Variants in VPS37A observed in about 807,000 individuals in gnomAD.
VPS37A encodes the protein VPS37A subunit of ESCRT-I.
In VPS37A, 30 loss-of-function variants were observed where a neutral mutation model predicts 49.8. The observed-to-expected ratio is 0.60, with a 90% CI of 0.45 to 0.82. The LOEUF (loss-of-function observed/expected upper bound fraction) is 0.82. Among genes scored for constraint, VPS37A ranks in the 40% least tolerant of loss-of-function variants. The pLI is 0.00. For missense variants in VPS37A, 593 were observed against 464.4 expected, an observed-to-expected ratio of 1.28 and a Z score of -2.55; for synonymous variants, 195 against 160.6, an observed-to-expected ratio of 1.21 and a Z score of -1.62.
chr8:17,286,496 A>G, intron 11 of VPS37A, 69 bp downstream of exon 11: 1 of 1,374,842 alleles, frequency 7.3e-7, no homozygotes, highest in Non-Finnish European at 1.0e-6. Context: ...CATGTTGTTA[A>G]CGGTGCCTGT....
intron 11 of VPS37A, among the ~76,000 whole-genome samples, chr8:17,289,266 T>G (rs962174411): frequency 5.9e-5 from 9 of 152,220 alleles, no homozygotes; most frequent in African/African-American, 1.9e-4. Flanking sequence ...GTTTTAGACA[T>G]GAAGTCTTTG....
the VPS37A span, among the ~76,000 whole-genome samples, chr8:17,308,213 C>T: frequency 6.6e-6 from 1 of 151,706 alleles, no homozygotes; most frequent in African/African-American, 2.4e-5. Context: ...GTATTTTTTC[C>T]TTATCAAACA....
At chr8:17,265,768 A>G in intron 1 of VPS37A, 139 bp from the exon 2 acceptor site, 1 of 1,540,000 alleles carries the variant, frequency 6.5e-7, no homozygotes, top group Non-Finnish European at 8.8e-7. Context: ...CCTTCCCCTC[A>G]AGATACAAGT....
At chr8:17,276,987 T>C (rs534560795) in intron 6 of VPS37A, among the ~76,000 whole-genome samples, 1 of 152,236 alleles carries the variant, frequency 6.6e-6, no homozygotes, top group East Asian at 1.9e-4. Flanking sequence ...AAGAAAATGG[T>C]TTTTTGCCAT....
chr8:17,263,119 A>T (rs562507613), intron 1 of VPS37A, among the ~76,000 whole-genome samples: 1 of 152,136 alleles, frequency 6.6e-6, no homozygotes, highest in African/African-American at 2.4e-5. Flanking sequence ...GATAATCACA[A>T]TTGAGTGAGA....
chr8:17,261,140 G>A (rs1424648097), intron 1 of VPS37A, among the ~76,000 whole-genome samples: 2 of 152,090 alleles, frequency 1.3e-5, no homozygotes, highest in Non-Finnish European at 2.9e-5. Flanking sequence ...TCTGTATTTC[G>A]TAGGTGGTCT....
downstream of VPS37A, among the ~76,000 whole-genome samples, chr8:17,304,025 A>G (rs908931819): frequency 1.1e-4 from 16 of 152,332 alleles, no homozygotes; most frequent in African/African-American, 3.4e-4. Flanking sequence ...TTTTGCTCCA[A>G]CCTTAACACG....
At chr8:17,256,987 C>G (rs188767374) in intron 1 of VPS37A, among the ~76,000 whole-genome samples, 3 of 152,132 alleles carry the variant, frequency 2.0e-5, no homozygotes, top group South Asian at 4.1e-4. Flanking sequence ...AGGTCTTACA[C>G]AAAATTGTTT....
rs557405210 is a variant in VPS37A, at chr8:17,255,991, A to G, written c.125+8622A>G. Among the ~76,000 whole-genome samples the G allele has an allele frequency of 1.6e-4, 24 of 152,292 alleles. No individual in the cohort carries two copies. In the South Asian group the frequency reaches 5.0e-3, roughly 32 times the overall value. On this transcript the variant is annotated intron_variant, in intron 1 of 11. Coordinates refer to ENST00000324849, the MANE Select transcript of VPS37A (RefSeq NM_152415.3). ...TTTGGCTGTTGTGAATAGTGCTGCA[A>G]TAAACGTGGGAGTGCAGCTATCTCT... is the stretch of plus-strand genomic sequence containing the variant.
chr8:17,327,646 A>T, the VPS37A span, among the ~76,000 whole-genome samples: 1 of 152,060 alleles, frequency 6.6e-6, no homozygotes, highest in Non-Finnish European at 1.5e-5. Flanking sequence ...CCTGGTAAAA[A>T]AAAAAACTAT....
downstream of VPS37A, chr8:17,299,497 G>T (rs1237573082): frequency 5.4e-6 from 1 of 185,466 alleles, no homozygotes; most frequent in East Asian, 1.3e-4. Flanking sequence ...GAATCATGAT[G>T]ATCACAGATG....
intron 1 of VPS37A, among the ~76,000 whole-genome samples, chr8:17,255,916 A>G (rs1046760610): frequency 6.6e-6 from 1 of 152,058 alleles, no homozygotes; most frequent in Non-Finnish European, 1.5e-5. Context: ...ATTATGCCAC[A>G]TTTTCTTTAT....
Position 17,247,097 on chromosome 8 carries a change from A to G in VPS37A, c.-148A>G. 2 of 1,024,872 alleles carry G rather than the reference A, an allele frequency of 2.0e-6. No individual in the cohort carries two copies. The highest frequency in any genetic ancestry group is 2.8e-6 in the Non-Finnish European group (2 of 713,424). 63.5% of individuals were successfully genotyped at this position (1,024,872 alleles called of 1,614,324 possible). A position where few individuals can be genotyped will look rare whatever the true frequency, so the allele number is the denominator to read the frequency against. On this transcript the variant is annotated 5_prime_UTR_variant, in exon 1 of 12. Coordinates refer to ENST00000324849, the MANE Select transcript of VPS37A (RefSeq NM_152415.3). ...CCCCCAGAACTCGGGGAGCGCAGGCAGGACAGGCTTAGAGAAGACGCGGTC... is the reference window on the plus strand; with the variant it reads ...CCCCCAGAACTCGGGGAGCGCAGGCGGGACAGGCTTAGAGAAGACGCGGTC...
the VPS37A span, among the ~76,000 whole-genome samples, chr8:17,325,486 T>C: frequency 6.6e-6 from 1 of 152,208 alleles, no homozygotes; most frequent in Non-Finnish European, 1.5e-5. Flanking sequence ...AGTGGTTCTA[T>C]TTTGAGGCCT....
In VPS37A at chr8:17,280,126, A is replaced by G. The variant is rs768941323; in HGVS notation, c.812A>G (p.Asp271Gly). The change falls in exon 7 of 12, where the codon GAC becomes GGC. Residue 271 changes from aspartate (D) to glycine (G), a missense_variant. By Grantham distance (94) the Asp-to-Gly change is moderately conservative. Coordinates refer to ENST00000324849, the MANE Select transcript of VPS37A (RefSeq NM_152415.3). ...QLKQIITDKD[D>G]LVKSIEELAR... ...AAACAAATTATTACCGACAAAGATGACTTAGTAAAAAGTATTGAGGAACTA... is the reference window on the plus strand; with the variant it reads ...AAACAAATTATTACCGACAAAGATGGCTTAGTAAAAAGTATTGAGGAACTA... 4.9e-5 allele frequency: 79 copies of G among 1,612,636 alleles called. No homozygotes were observed. Among genetic ancestry groups the G allele is most frequent in the Non-Finnish European group, 6.1e-5 (72 of 1,179,310 alleles).
Position 17,280,261 on chromosome 8 carries a change from C to T in VPS37A, c.864C>T (p.Pro288=). 1 of 1,612,606 alleles carries T rather than the reference C, an allele frequency of 6.2e-7. No homozygotes were observed. Among genetic ancestry groups the T allele is most frequent in the Non-Finnish European group, 8.5e-7 (1 of 1,179,278 alleles). Residue 288 remains proline, a synonymous_variant, in exon 8 of 12, where the codon CCC becomes CCT. Coordinates refer to ENST00000324849, the MANE Select transcript of VPS37A (RefSeq NM_152415.3). ...CAGGAAAAAATCTCCTTTTGGAGCC[C>T]AGCTTGGAAGCCAAAAGACAAACTG... ...ELARKNLLLE[P]SLEAKRQTVL... is the part of the protein sequence containing the mutation.
chr8:17,271,938 A>G (rs779833138), intron 4 of VPS37A: 24 of 452,292 alleles, frequency 5.3e-5, no homozygotes, highest in Non-Finnish European at 9.7e-5. Context: ...AGGAAATCTC[A>G]TCTTTCATAT....
intron 1 of VPS37A, among the ~76,000 whole-genome samples, chr8:17,254,777 A>C (rs995927891): frequency 6.6e-6 from 1 of 152,124 alleles, no homozygotes; most frequent in Admixed American, 6.6e-5. Context: ...ACTTCTATCA[A>C]AACATCACAA....
In VPS37A at chr8:17,297,497, C is replaced by T. The variant is rs1374249039; in HGVS notation, c.*2511C>T. 1 of 152,038 alleles carries T rather than the reference C, an allele frequency of 6.6e-6. No individual in the cohort carries two copies. Among genetic ancestry groups the T allele is most frequent in the Non-Finnish European group, 1.5e-5 (1 of 67,924 alleles). The allele number at this position is 152,038 out of a possible 1,614,324, so 9.4% of individuals were successfully genotyped here. A position where few individuals can be genotyped will look rare whatever the true frequency, so the allele number is the denominator to read the frequency against. The stretch of plus-strand genomic sequence containing the variant: ...CTATGGTTTCTGTCTCTGATCATCA[C>T]CTTCCATTCTATAAAAAGCTCAGTT... On this transcript the variant is annotated 3_prime_UTR_variant, in exon 12 of 12. Transcript: ENST00000324849.
Sources: gnomAD v4.1 joint callset for allele counts (sites outside exome capture counted in the v4.1 genomes callset) on GRCh38, gnomAD v4.1.1 for gene constraint, MANE v1.5 for transcripts, NCBI Gene and HGNC (gene_info 2026-07-23, HGNC 2026-07-21) for gene names.